Variants in TMCO6 observed in about 807,000 individuals in gnomAD.
The protein encoded by TMCO6 is transmembrane and coiled-coil domains 6, also known as transmembrane and coiled-coil domain-containing protein 6.
A neutral mutation model predicts 61.8 loss-of-function variants in TMCO6; 47 were observed. The observed-to-expected ratio is 0.76, with a 90% CI of 0.60 to 0.97. The LOEUF (loss-of-function observed/expected upper bound fraction) is 0.97, where lower values mean the gene tolerates loss of function less well. TMCO6 is among the 50% of genes least tolerant of loss of function. TMCO6 has a pLI of 0.00. For missense variants in TMCO6, 557 were observed against 601.6 expected (o/e 0.93, Z 0.78); for synonymous variants, 261 against 254.2 (o/e 1.03, Z -0.25).
chr5:140,613,938 G>A, the TMCO6 span, among the ~76,000 whole-genome samples: 2 of 150,612 alleles, frequency 1.3e-5, no homozygotes, highest in Admixed American at 6.6e-5. Flanking sequence ...TCACTCTGTC[G>A]CCCAGGCTGG....
chr5:140,599,057 C>T, the TMCO6 span, among the ~76,000 whole-genome samples: 2 of 152,190 alleles, frequency 1.3e-5, no homozygotes, highest in Non-Finnish European at 2.9e-5. Flanking sequence ...TGAGGCCTTC[C>T]AACGGGGGAA....
At chr5:140,615,413 C>CT in the TMCO6 span, among the ~76,000 whole-genome samples, 72 of 150,630 alleles carry the variant, frequency 4.8e-4, no homozygotes, top group Middle Eastern at 3.4e-3. Flanking sequence ...AATTCAATGG[C>CT]TTTTTTTTTC....
intron 5 of TMCO6, 49 bp downstream of exon 5, chr5:140,642,468 C>G: frequency 6.2e-7 from 1 of 1,603,628 alleles, no homozygotes; most frequent in Non-Finnish European, 8.5e-7. Context: ...CTCCTCCCCA[C>G]ATGCTCCATC....
chr5:140,646,300 C>T (rs767127706), downstream of TMCO6, among the ~76,000 whole-genome samples: 9 of 152,124 alleles, frequency 5.9e-5, 1 homozygote, highest in South Asian at 6.2e-4. Context: ...CGTGAACCAC[C>T]GCACCCAGCT....
the TMCO6 span, chr5:140,633,146 C>T: frequency 1.9e-6 from 3 of 1,586,662 alleles, no homozygotes; most frequent in South Asian, 3.4e-5. Flanking sequence ...TACACAGCGG[C>T]ACCCGCCGGC....
At chr5:140,597,772 C>A in the TMCO6 span, among the ~76,000 whole-genome samples, 1 of 152,174 alleles carries the variant, frequency 6.6e-6, no homozygotes, top group Non-Finnish European at 1.5e-5. Context: ...ACTATCTTAG[C>A]CACTGGATGA....
chr5:140,599,938 T>TG, the TMCO6 span, among the ~76,000 whole-genome samples: 1 of 99,444 alleles, frequency 1.0e-5, no homozygotes, highest in Non-Finnish European at 2.2e-5. Flanking sequence ...TAAAATAAAA[T>TG]AAAATAAAAT....
the TMCO6 span, among the ~76,000 whole-genome samples, chr5:140,613,234 C>T: frequency 6.6e-6 from 1 of 151,752 alleles, no homozygotes; most frequent in Non-Finnish European, 1.5e-5. Context: ...ACTAAAAATA[C>T]AAAAATTAGC....
At position 140,640,415 on chromosome 5, in the gene TMCO6, C is replaced by CTT. The variant is rs779423368; in HGVS notation, c.198+576_198+577dup. ...GAGCCTATTTTTTTTCTTTTCTTTT[C>CTT]TTTTTTTTTTTTTGAGACTCTCGCT... On this transcript the variant is annotated intron_variant, in intron 2 of 11. Transcript: ENST00000394671. 6.7e-3 allele frequency among the ~76,000 whole-genome samples: 963 copies of CTT among 143,248 alleles called. 9 individuals are homozygous for CTT. The highest frequency in any genetic ancestry group is 0.024 in the African/African-American group (918 of 39,032). 94.0% of individuals were successfully genotyped at this position (143,248 alleles called of 152,430 possible).
chr5:140,641,613 G>T lies in TMCO6; in HGVS notation c.199-52G>T, dbSNP rs376872040. 8.4e-5 allele frequency: 128 copies of T among 1,523,146 alleles called. No homozygotes were observed. The African/African-American group carries it at 1.5e-3, about 18-fold the overall frequency. 94.4% of individuals were successfully genotyped at this position (1,523,146 alleles called of 1,614,324 possible). ...GGTGAAGTGGGCAGAGAGAGACTTAGGACTTGCTTTCTGTGAACCGTGTGT... is the reference window on the plus strand; with the variant it reads ...GGTGAAGTGGGCAGAGAGAGACTTATGACTTGCTTTCTGTGAACCGTGTGT... On this transcript the variant is annotated intron_variant, in intron 2 of 11. Coordinates refer to ENST00000394671, the MANE Select transcript of TMCO6 (RefSeq NM_018502.5).
chr5:140,639,358 G>C (rs914637075), upstream of TMCO6: 161 of 638,292 alleles, frequency 2.5e-4, 1 homozygote, highest in African/African-American at 2.8e-3. Flanking sequence ...CACCGTCCCC[G>C]CGAGGCGTCC....
At chr5:140,618,030 C>T in the TMCO6 span, among the ~76,000 whole-genome samples, 1 of 152,058 alleles carries the variant, frequency 6.6e-6, no homozygotes, top group Non-Finnish European at 1.5e-5. Flanking sequence ...TATAAAGCTA[C>T]AGTAATCAAG....
upstream of TMCO6, among the ~76,000 whole-genome samples, chr5:140,635,873 A>G (rs1242557772): frequency 6.6e-6 from 1 of 152,224 alleles, no homozygotes; most frequent in Non-Finnish European, 1.5e-5. Flanking sequence ...GTTGCTAGAC[A>G]GGTAGATACA....
At chr5:140,632,316 G>C in the TMCO6 span, 1 of 1,614,050 alleles carries the variant, frequency 6.2e-7, no homozygotes, top group Non-Finnish European at 8.5e-7. This position sits in a 1 kb window ranked among gnomAD's most constrained non-coding sequence, Gnocchi z 6.2. Flanking sequence ...ATTCTGGATG[G>C]CCGGGAACTT....
At chr5:140,610,926 G>A in the TMCO6 span, among the ~76,000 whole-genome samples, 1 of 152,090 alleles carries the variant, frequency 6.6e-6, no homozygotes, top group South Asian at 2.1e-4. Flanking sequence ...TTCGTGAGAG[G>A]TGTTGAATTT....
chr5:140,646,009 C>CT (rs5871744), downstream of TMCO6, among the ~76,000 whole-genome samples: 712 of 124,080 alleles, frequency 5.7e-3, 5 homozygotes, highest in Middle Eastern at 0.012. Context: ...CATTCTCTCT[C>CT]TTTTTTTTTT....
chr5:140,626,956 C>G, the TMCO6 span, among the ~76,000 whole-genome samples: 1 of 152,194 alleles, frequency 6.6e-6, no homozygotes, highest in Non-Finnish European at 1.5e-5. Flanking sequence ...TTAACTTTAG[C>G]CAGTATGTCC....
intron 4 of TMCO6, 70 bp from the exon 5 acceptor site, chr5:140,642,245 C>G (rs1757085316): frequency 2.1e-6 from 3 of 1,459,536 alleles, no homozygotes; most frequent in Non-Finnish European, 2.8e-6. Context: ...ATCACCTCCC[C>G]TCCCCATCTC....
chr5:140,635,212 G>A (rs1164021102), upstream of TMCO6, among the ~76,000 whole-genome samples: 5 of 152,218 alleles, frequency 3.3e-5, no homozygotes, highest in Non-Finnish European at 7.3e-5. Context: ...AATGCACTGG[G>A]CCATGCCCTG....
Sources: gnomAD v4.1 joint callset for allele counts (sites outside exome capture counted in the v4.1 genomes callset) on GRCh38, gnomAD v4.1.1 for gene constraint, Gnocchi (gnomAD v3.1) non-coding constraint, MANE v1.5 for transcripts, NCBI Gene and HGNC (gene_info 2026-07-23, HGNC 2026-07-21) for gene names.